The following NOMO3 variants were observed in gnomAD, a reference collection of about 807,000 sequenced individuals.
The protein encoded by NOMO3 is BOS complex subunit NOMO3.
Under a neutral mutation model 69.9 loss-of-function variants are expected in NOMO3, and 15 were observed. The observed-to-expected ratio is 0.21, with a 90% CI of 0.14 to 0.33. The LOEUF is 0.33. Among genes scored for constraint, NOMO3 ranks in the 10% least tolerant of loss-of-function variants. NOMO3 has a pLI of 1.00. For missense variants in NOMO3, 218 were observed against 761.0 expected (o/e 0.29, Z 8.39); for synonymous variants, 89 against 301.9 (o/e 0.29, Z 7.31).
chr16:16,265,670 ATTTTTTTTT>A (rs59243746), intron 15 of NOMO3, among the ~76,000 whole-genome samples: 4 of 16,682 alleles, frequency 2.4e-4, no homozygotes, highest in South Asian at 3.0e-3. Context: ...ATATATATAT[ATTTTTTTTT>A]TTTTTTTTTT....
intron 1 of NOMO3, among the ~76,000 whole-genome samples, chr16:16,234,252 G>A (rs1278173457): frequency 1.3e-5 from 2 of 150,250 alleles, no homozygotes; most frequent in Non-Finnish European, 3.0e-5. Context: ...CATTTCAGAA[G>A]CTGAAATGCA....
intron 2 of NOMO3, among the ~76,000 whole-genome samples, chr16:16,237,535 G>GT (rs2049336658): frequency 7.1e-6 from 1 of 141,696 alleles, no homozygotes; most frequent in Non-Finnish European, 1.5e-5. Context: ...TCTGATAAAG[G>GT]TTTTTTTTGT....
At chr16:16,268,736 G>C (rs2049639334) in intron 16 of NOMO3, among the ~76,000 whole-genome samples, 1 of 142,364 alleles carries the variant, frequency 7.0e-6, no homozygotes, top group South Asian at 2.2e-4. Flanking sequence ...TTCAGCAGCT[G>C]GTAGATGTTA....
intron 15 of NOMO3, chr16:16,266,648 A>C: frequency 2.5e-6 from 1 of 398,014 alleles, no homozygotes; most frequent in Non-Finnish European, 4.6e-6. Context: ...CGAGCTAAAG[A>C]CCCCTCGGTG....
Position 16,263,498 on chromosome 16 carries a change from T to A in NOMO3, c.1538-15T>A. 1 of 1,154,772 alleles carries A rather than the reference T, an allele frequency of 8.7e-7. No individual in the cohort carries two copies. Among genetic ancestry groups the A allele is most frequent in the South Asian group, 1.6e-5 (1 of 61,420 alleles). 71.5% of individuals were successfully genotyped at this position (1,154,772 alleles called of 1,614,324 possible). ...ATAAGGGGTCACATGGAGCCCTCCC[T>A]TCTTTTCCCTGCAGACACCTGTGGT... On this transcript the variant is annotated splice_polypyrimidine_tract_variant and intron_variant, in intron 13 of 30. Transcript: ENST00000399336.
intron 11 of NOMO3, among the ~76,000 whole-genome samples, chr16:16,258,825 A>G (rs1251293015): frequency 7.1e-6 from 1 of 141,528 alleles, no homozygotes; most frequent in African/African-American, 3.0e-5. Context: ...AGATTGCACC[A>G]TTGCACTCCA....
intron 10 of NOMO3, 65 bp from the exon 11 acceptor site, chr16:16,255,943 G>A: frequency 6.4e-7 from 1 of 1,554,332 alleles, no homozygotes; most frequent in Non-Finnish European, 8.6e-7. Context: ...AAGTATTCTG[G>A]TGTACATGTA....
intron 6 of NOMO3, among the ~76,000 whole-genome samples, chr16:16,248,844 AAG>A (rs2049438486): frequency 6.6e-6 from 1 of 152,238 alleles, no homozygotes; most frequent in African/African-American, 2.4e-5. Context: ...CTTCTAGAGA[AAG>A]AGGGAGGAGG....
At chr16:16,252,945 C>T (rs1220619227) in intron 9 of NOMO3, among the ~76,000 whole-genome samples, 2 of 135,958 alleles carry the variant, frequency 1.5e-5, no homozygotes, top group Non-Finnish European at 3.0e-5. Flanking sequence ...GTGATCCTCC[C>T]ACCTCAGCCT....
At chr16:16,263,415 T>C in intron 13 of NOMO3, 98 bp from the exon 14 acceptor site, 1 of 1,449,846 alleles carries the variant, frequency 6.9e-7, no homozygotes, top group Non-Finnish European at 9.3e-7. Context: ...TCTTAGGAGC[T>C]CAGCAGTAGC....
chr16:16,254,838 T>TG (rs1379899360), intron 9 of NOMO3, among the ~76,000 whole-genome samples: 1 of 143,842 alleles, frequency 7.0e-6, no homozygotes, highest in Non-Finnish European at 1.5e-5. Flanking sequence ...CACAGGCGAG[T>TG]GGGGCACAGA....
intron 2 of NOMO3, among the ~76,000 whole-genome samples, chr16:16,237,359 C>T (rs533185371): frequency 2.8e-5 from 4 of 144,142 alleles, no homozygotes; most frequent in East Asian, 4.5e-4. Context: ...TCATGGAACC[C>T]GTTACTTGCA....
intron 9 of NOMO3, among the ~76,000 whole-genome samples, chr16:16,255,037 C>CGAGTAGCT (rs1258800781): frequency 6.9e-6 from 1 of 144,104 alleles, no homozygotes; most frequent in Non-Finnish European, 1.5e-5. Context: ...CTCAGCCTCC[C>CGAGTAGCT]GAGTAGCTGG....
At chr16:16,268,402 G>A (rs1391183121) in intron 16 of NOMO3, among the ~76,000 whole-genome samples, 16 of 145,662 alleles carry the variant, frequency 1.1e-4, no homozygotes, top group Non-Finnish European at 2.2e-4. Flanking sequence ...GCCAACATTT[G>A]TTATTGTCTG....
chr16:16,265,677 T>A lies in NOMO3; in HGVS notation c.1806+498T>A, dbSNP rs1375847689. Among the ~76,000 whole-genome samples the A allele has an allele frequency of 1.1e-3, 37 of 32,634 alleles. 1 individual carries two copies. The highest frequency in any genetic ancestry group is 1.7e-3 in the East Asian group (1 of 578). The allele number at this position is 32,634 out of a possible 152,430, so 21.4% of individuals were successfully genotyped here. A position where few individuals can be genotyped will look rare whatever the true frequency, so the allele number is the denominator to read the frequency against. ...ATATATATATATATATATATTTTTT[T>A]TTTTTTTTTTTTTTTTTTTTTGAGA... On this transcript the variant is annotated intron_variant, in intron 15 of 30. Coordinates refer to ENST00000399336, the MANE Select transcript of NOMO3 (RefSeq NM_001004067.4).
At chr16:16,246,154 T>TA (rs2049414515) in intron 5 of NOMO3, among the ~76,000 whole-genome samples, 1 of 121,800 alleles carries the variant, frequency 8.2e-6, no homozygotes, top group Non-Finnish European at 1.6e-5. Context: ...TTGTAAATGT[T>TA]AACAGATATG....
At chr16:16,268,384 C>A (rs2049636168) in intron 16 of NOMO3, among the ~76,000 whole-genome samples, 1 of 146,038 alleles carries the variant, frequency 6.8e-6, no homozygotes, top group Admixed American at 6.6e-5. Context: ...GGTTTCTTCA[C>A]CTCCTTCGCC....
chr16:16,258,760 G>A lies in NOMO3; in HGVS notation c.1220+2602G>A. Among the ~76,000 whole-genome samples, 2 of 142,778 alleles carry A rather than the reference G, an allele frequency of 1.4e-5. 1 individual carries two copies. The highest frequency in any genetic ancestry group is 1.4e-4 in the Admixed American group (2 of 14,702). The allele number at this position is 142,778 out of a possible 152,430, so 93.7% of individuals were successfully genotyped here. A position where few individuals can be genotyped will look rare whatever the true frequency, so the allele number is the denominator to read the frequency against. Reference sequence around the variant, plus strand: ...CGCGCCTATAATCCCAGCAACTCAGGAGGCTGAGGCAGGAGAATCGCTTGA... The same window carrying A: ...CGCGCCTATAATCCCAGCAACTCAGAAGGCTGAGGCAGGAGAATCGCTTGA... On this transcript the variant is annotated intron_variant, in intron 11 of 30. Transcript: ENST00000399336.
intron 12 of NOMO3, 26 bp from the exon 13 acceptor site, chr16:16,263,048 C>G: frequency 6.3e-7 from 1 of 1,593,948 alleles, no homozygotes; most frequent in Non-Finnish European, 8.5e-7. Flanking sequence ...AATGCAGCCT[C>G]TAACGTTCCA....
Sources: allele counts gnomAD v4.1 joint callset (sites outside exome capture counted in the v4.1 genomes callset), GRCh38; gene constraint gnomAD v4.1.1; transcripts MANE v1.5; gene names NCBI Gene and HGNC (gene_info 2026-07-23, HGNC 2026-07-21).